The following ZSCAN16 variants were observed in gnomAD, a reference collection of about 807,000 sequenced individuals.
ZSCAN16 encodes zinc finger and SCAN domain containing 16, also known as zinc finger and SCAN domain-containing protein 16.
In ZSCAN16, 15 loss-of-function variants were observed where a neutral mutation model predicts 19.4. The observed-to-expected ratio is 0.77, with a 90% CI of 0.52 to 1.19. The LOEUF is 1.19. Ranked by LOEUF, ZSCAN16 falls within the 50% of genes most tolerant of loss-of-function variation. ZSCAN16 has a pLI of 0.00. For missense variants in ZSCAN16, 327 were observed against 415.7 expected (o/e 0.79, Z 1.86); for synonymous variants, 138 against 146.5 (o/e 0.94, Z 0.42).
Position 28,129,557 on chromosome 6 carries a change from T to C in ZSCAN16, c.654T>C (p.Asp218=). ...CTCCTCAGCATCCTAAGTCCAAAGA[T>C]ATTATTGAAAATGAGGGCAGATCAG... is the stretch of plus-strand genomic sequence containing the variant. ...KDTPQHPKSK[D]IIENEGRSEW... Residue 218 remains aspartate, a synonymous_variant, in exon 4 of 4, where the codon GAT becomes GAC. Coordinates refer to ENST00000340487, the MANE Select transcript of ZSCAN16 (RefSeq NM_025231.3). 2 of 1,614,106 alleles carry C rather than the reference T, an allele frequency of 1.2e-6. No homozygotes were observed. Among genetic ancestry groups the C allele is most frequent in the Non-Finnish European group, 8.5e-7 (1 of 1,180,018 alleles).
intron 3 of ZSCAN16, 61 bp from the exon 4 acceptor site, chr6:28,129,369 T>C (rs1260784206): frequency 2.8e-5 from 42 of 1,524,242 alleles, no homozygotes; most frequent in Non-Finnish European, 3.7e-5. Context: ...CTTTCTTCCA[T>C]AGGCTGTTTG....
At position 28,125,338 on chromosome 6, in the gene ZSCAN16, A is replaced by G. The variant is rs1764864788; in HGVS notation, c.-31-75A>G. The G allele has an allele frequency of 2.0e-6, 3 of 1,494,832 alleles. No homozygotes were observed. Among genetic ancestry groups the G allele is most frequent in the African/African-American group, 2.8e-5 (2 of 71,248 alleles). 92.6% of individuals were successfully genotyped at this position (1,494,832 alleles called of 1,614,324 possible). ...TCACAGAAATTTTTGTAATTTCTCT[A>G]TGGTAACAACTTTTTATGCCTTAGG... On this transcript the variant is annotated intron_variant, in intron 1 of 3. Coordinates refer to ENST00000340487, the MANE Select transcript of ZSCAN16 (RefSeq NM_025231.3). This position sits in a 1 kb window ranked among gnomAD's most constrained non-coding sequence, Gnocchi z 6.2.
Position 28,129,747 on chromosome 6 carries a change from C to CTG in ZSCAN16, c.844_845insTG (p.His282LeufsTer9). ...CATTCAGCGCTCACATCTCATTGGA[C>CTG]ATCATAGAGTACACACGGGAGTAAA... On this transcript the variant is annotated frameshift_variant, in exon 4 of 4. Transcript: ENST00000340487. LOFTEE classifies it low-confidence loss of function (END_TRUNC). 6.2e-7 allele frequency: 1 copy of CTG among 1,614,078 alleles called. No individual in the cohort carries two copies. Among genetic ancestry groups the CTG allele is most frequent in the Non-Finnish European group, 8.5e-7 (1 of 1,179,994 alleles).
Position 28,129,761 on chromosome 6 carries a change from C to G in ZSCAN16, c.858C>G (p.His286Gln), listed in dbSNP as rs372143433. ...RSHLIGHHRV[H>Q]TGVKPYKCKE... ...ATCTCATTGGACATCATAGAGTACACACGGGAGTAAAACCCTATAAATGTA... is the reference window on the plus strand; with the variant it reads ...ATCTCATTGGACATCATAGAGTACAGACGGGAGTAAAACCCTATAAATGTA... The change falls in exon 4 of 4, where the codon CAC becomes CAG. Residue 286 changes from histidine (H) to glutamine (Q), a missense_variant. His to Gln is a conservative substitution (Grantham distance 24, BLOSUM62 0). Transcript: ENST00000340487. 6.2e-7 allele frequency: 1 copy of G among 1,614,100 alleles called. No homozygotes were observed. Among genetic ancestry groups the G allele is most frequent in the Admixed American group, 1.7e-5 (1 of 60,018 alleles).
intron 3 of ZSCAN16, among the ~76,000 whole-genome samples, chr6:28,128,154 A>T (rs1405306678): frequency 3.3e-5 from 5 of 151,394 alleles, no homozygotes; most frequent in East Asian, 1.9e-4. Flanking sequence ...ATTTTATTTT[A>T]TTTTTTTTAG....
At chr6:28,128,812 C>G (rs1218261077) in intron 3 of ZSCAN16, among the ~76,000 whole-genome samples, 1 of 152,196 alleles carries the variant, frequency 6.6e-6, no homozygotes, top group Non-Finnish European at 1.5e-5. Context: ...AGCATATACA[C>G]TGACTATCCA....
intron 3 of ZSCAN16, among the ~76,000 whole-genome samples, chr6:28,128,939 A>G (rs1764977289): frequency 6.6e-6 from 1 of 151,796 alleles, no homozygotes; most frequent in Non-Finnish European, 1.5e-5. Context: ...GATGGTTCCT[A>G]TTCACTATAT....
intron 3 of ZSCAN16, 137 bp downstream of exon 3, chr6:28,127,058 C>T: frequency 2.8e-6 from 2 of 721,326 alleles, no homozygotes; most frequent in Non-Finnish European, 1.9e-6. Flanking sequence ...TTATCCTCCT[C>T]TTACCCTTGC....
intron 3 of ZSCAN16, 117 bp from the exon 4 acceptor site, chr6:28,129,313 T>C (rs1764986543): frequency 7.8e-7 from 1 of 1,288,808 alleles, no homozygotes; most frequent in African/African-American, 1.5e-5. Context: ...GTGTGTTGTA[T>C]GTGACTTCTC....
intron 1 of ZSCAN16, among the ~76,000 whole-genome samples, 161 bp downstream of exon 1, chr6:28,124,838 T>G (rs1247177347): frequency 1.3e-5 from 2 of 152,170 alleles, no homozygotes; most frequent in African/African-American, 4.8e-5. Context: ...GGCCCAGCCT[T>G]CCGGGAGAGG....
chr6:28,124,924 C>T (rs1472277189), intron 1 of ZSCAN16, among the ~76,000 whole-genome samples: 1 of 152,250 alleles, frequency 6.6e-6, no homozygotes, highest in East Asian at 1.9e-4. Flanking sequence ...GGTTGGCACA[C>T]ATATCCTATA....
Position 28,129,634 on chromosome 6 carries a change from G to A in ZSCAN16, c.731G>A (p.Ser244Asn), listed in dbSNP as rs1765000957. 1.9e-6 allele frequency: 3 copies of A among 1,614,168 alleles called. No individual in the cohort carries two copies. The highest frequency in any genetic ancestry group is 2.5e-6 in the Non-Finnish European group (3 of 1,180,012). The part of the protein sequence containing the change: ...RRYKCDECGK[S>N]FSHSSDLSKH... ...TATAAATGTGATGAATGTGGGAAAA[G>A]TTTCAGTCATAGCTCAGACCTTAGT... The change falls in exon 4 of 4, where the codon AGT becomes AAT. Residue 244 changes from serine to asparagine, a missense_variant. Ser to Asn is a conservative substitution (Grantham distance 46). Coordinates refer to ENST00000340487, the MANE Select transcript of ZSCAN16 (RefSeq NM_025231.3).
At position 28,129,932 on chromosome 6, in the gene ZSCAN16, C is replaced by T. The variant is rs145912911; in HGVS notation, c.1029C>T (p.Thr343=). Residue 343 remains threonine, a synonymous_variant, in exon 4 of 4, where the codon ACC becomes ACT. Transcript: ENST00000340487. ...TTATTAGACATCAAAGAATTCATAC[C>T]GCAAATAAACTCTACTAATATAGCA... ...SALIRHQRIH[T]ANKLY 1.3e-5 allele frequency: 20 copies of T among 1,589,716 alleles called. No individual in the cohort carries two copies. The highest frequency in any genetic ancestry group is 6.7e-5 in the East Asian group (3 of 44,684).
chr6:28,129,786 A>T lies in ZSCAN16; in HGVS notation c.883A>T (p.Lys295Ter). Residue 295 changes from lysine to a stop codon, truncating the protein, a stop_gained, in exon 4 of 4, where the codon AAA (lysine) becomes TAA (stop). Transcript: ENST00000340487. LOFTEE classifies it low-confidence loss of function (END_TRUNC). The part of the protein sequence containing the change: ...VHTGVKPYKC[K>*]ECGKDFSGRT... ...CACGGGAGTAAAACCCTATAAATGTAAAGAATGTGGGAAAGACTTCAGTGG... is the reference window on the plus strand; with the variant it reads ...CACGGGAGTAAAACCCTATAAATGTTAAGAATGTGGGAAAGACTTCAGTGG... 1 of 1,614,160 alleles carries T rather than the reference A, an allele frequency of 6.2e-7. No individual in the cohort carries two copies. Among genetic ancestry groups the T allele is most frequent in the South Asian group, 1.1e-5 (1 of 91,080 alleles).
intron 2 of ZSCAN16, among the ~76,000 whole-genome samples, chr6:28,126,102 T>C (rs1359618750): frequency 1.3e-5 from 2 of 152,150 alleles, no homozygotes; most frequent in Non-Finnish European, 2.9e-5. Flanking sequence ...TTTTCTGCCA[T>C]TCATAGATAC....
In ZSCAN16 at chr6:28,126,832, C is replaced by G; in HGVS notation, c.437C>G (p.Pro146Arg). 1 of 1,587,976 alleles carries G rather than the reference C, an allele frequency of 6.3e-7. No individual in the cohort carries two copies. Among genetic ancestry groups the G allele is most frequent in the Non-Finnish European group, 8.6e-7 (1 of 1,162,938 alleles). ...GACATACTCATGGACAAGTTGGCCC[C>G]CTTGGGAAGGCCATATGAATCACTG... ...RRDILMDKLA[P>R]LGRPYESLTV... Residue 146 changes from proline to arginine, a missense_variant, in exon 3 of 4, where the codon CCC becomes CGC. Pro to Arg is a moderately radical substitution (Grantham distance 103, BLOSUM62 -2). Transcript: ENST00000340487.
chr6:28,128,707 T>C (rs1410014290), intron 3 of ZSCAN16, among the ~76,000 whole-genome samples: 1 of 152,226 alleles, frequency 6.6e-6, no homozygotes, highest in Non-Finnish European at 1.5e-5. Flanking sequence ...TCCAGCTGAT[T>C]CTGATGCACA....
In ZSCAN16 at chr6:28,125,549, A is replaced by G; in HGVS notation, c.106A>G (p.Arg36Gly). The change falls in exon 2 of 4, where the codon AGG (arginine) becomes GGG (glycine). Residue 36 changes from arginine to glycine, a missense_variant. By Grantham distance (125) the Arg-to-Gly change is moderately radical. Transcript: ENST00000340487. This position sits in a 1 kb window ranked among gnomAD's most constrained non-coding sequence, Gnocchi z 6.2. ...DSSSQKCSPH[R>G]RELYRQHFRK... The stretch of plus-strand genomic sequence containing the variant: ...CAGCTCACAAAAGTGCAGTCCTCAC[A>G]GGAGGGAACTCTATAGACAACACTT... 1 of 1,614,238 alleles carries G rather than the reference A, an allele frequency of 6.2e-7. No individual in the cohort carries two copies. Among genetic ancestry groups the G allele is most frequent in the East Asian group, 2.2e-5 (1 of 44,886 alleles).
In ZSCAN16 at chr6:28,129,795, G is replaced by A; in HGVS notation, c.892G>A (p.Gly298Arg). Reference sequence around the variant, plus strand: ...AAAACCCTATAAATGTAAAGAATGTGGGAAAGACTTCAGTGGGCGCACAGG... The same window carrying A: ...AAAACCCTATAAATGTAAAGAATGTAGGAAAGACTTCAGTGGGCGCACAGG... ...GVKPYKCKEC[G>R]KDFSGRTGLI... Residue 298 changes from glycine to arginine, a missense_variant, in exon 4 of 4, where the codon GGG becomes AGG. Transcript: ENST00000340487. The A allele has an allele frequency of 6.2e-7, 1 of 1,614,150 alleles. No individual in the cohort carries two copies. Among genetic ancestry groups the A allele is most frequent in the Non-Finnish European group, 8.5e-7 (1 of 1,180,018 alleles).
Sources: gnomAD v4.1 joint callset for allele counts (sites outside exome capture counted in the v4.1 genomes callset) on GRCh38, gnomAD v4.1.1 for gene constraint, Gnocchi (gnomAD v3.1) non-coding constraint, MANE v1.5 for transcripts, NCBI Gene and HGNC (gene_info 2026-07-23, HGNC 2026-07-21) for gene names.